AGBL1: variants seen among roughly 807,000 people sequenced by gnomAD.
The protein encoded by AGBL1 is cytosolic carboxypeptidase 4.
AGBL1 carries 130 observed loss-of-function variants against 118.9 expected under a neutral mutation model. The ratio of observed to expected loss-of-function variants is 1.09; its 90% CI spans 0.95 to 1.26. The LOEUF is 1.26. Ranked by LOEUF, AGBL1 falls within the 50% of genes most tolerant of loss-of-function variation. The pLI, the probability that AGBL1 is intolerant of heterozygous loss-of-function variation, is 0.00. For missense variants in AGBL1, 1,584 were observed against 1,298.1 expected (o/e 1.22, Z -3.38); for synonymous variants, 555 against 478.9 (o/e 1.16, Z -2.08).
chr15:86,853,630 T>C (rs912039892), intron 22 of AGBL1, among the ~76,000 whole-genome samples: 4 of 152,226 alleles, frequency 2.6e-5, no homozygotes, highest in African/African-American at 9.6e-5. Context: ...AGAGCTGTAT[T>C]GAAATACAAT....
At chr15:86,364,149 G>C (rs894198090) in intron 17 of AGBL1, among the ~76,000 whole-genome samples, 3 of 151,906 alleles carry the variant, frequency 2.0e-5, no homozygotes, top group African/African-American at 7.3e-5. Context: ...TTCTTCAGAC[G>C]CCATCACTTA....
rs924318161 is a variant in AGBL1, at chr15:86,825,934, T to C, written c.3159-81153T>C. 2.4e-3 allele frequency among the ~76,000 whole-genome samples: 340 copies of C among 144,580 alleles called. 1 individual carries two copies. The highest frequency in any genetic ancestry group is 7.4e-3 in the African/African-American group (289 of 39,066). 94.9% of individuals were successfully genotyped at this position (144,580 alleles called of 152,430 possible). Reference sequence around the variant, plus strand: ...ATAGATAGATAGATAGATAGATAGATAGACAGATGAGATAAATTATAGATA... The same window carrying C: ...ATAGATAGATAGATAGATAGATAGACAGACAGATGAGATAAATTATAGATA... On this transcript the variant is annotated intron_variant, in intron 22 of 22. Coordinates refer to ENST00000614907, the MANE Select transcript of AGBL1 (RefSeq NM_001386094.1).
chr15:86,637,570 AATATT>A (rs1279591190), intron 21 of AGBL1, among the ~76,000 whole-genome samples: 1 of 152,208 alleles, frequency 6.6e-6, no homozygotes, highest in African/African-American at 2.4e-5. Context: ...GAGCTACAAA[AATATT>A]ATGTACAATA....
chr15:86,471,295 G>C (rs956528487), intron 18 of AGBL1, among the ~76,000 whole-genome samples: 4 of 152,046 alleles, frequency 2.6e-5, no homozygotes, highest in Non-Finnish European at 5.9e-5. Flanking sequence ...TGCATCTATT[G>C]AGACAGTCAT....
intron 23 of AGBL1, among the ~76,000 whole-genome samples, chr15:86,948,114 C>A (rs1377184908): frequency 6.6e-6 from 1 of 152,036 alleles, no homozygotes; most frequent in East Asian, 1.9e-4. Context: ...GAACCAAGAG[C>A]CCCATGAGTT....
At chr15:86,143,600 C>G in intron 2 of AGBL1, 99 bp from the exon 3 acceptor site, 1 of 1,418,344 alleles carries the variant, frequency 7.1e-7, no homozygotes, top group Non-Finnish European at 9.6e-7. Context: ...TTGAAATGAA[C>G]TAATTCTTGC....
At chr15:86,695,631 C>A (rs2086242808) in intron 22 of AGBL1, among the ~76,000 whole-genome samples, 1 of 151,780 alleles carries the variant, frequency 6.6e-6, no homozygotes, top group Non-Finnish European at 1.5e-5. Flanking sequence ...TTTTCTTCTG[C>A]TGGGTTTGGG....
At chr15:86,440,872 A>C (rs980873129) in intron 18 of AGBL1, among the ~76,000 whole-genome samples, 23 of 152,202 alleles carry the variant, frequency 1.5e-4, no homozygotes, top group Admixed American at 1.3e-4. Context: ...CATGAGATAA[A>C]AGAGTTGAGT....
chr15:86,328,984 A>G (rs575466168), intron 17 of AGBL1, among the ~76,000 whole-genome samples: 1 of 152,192 alleles, frequency 6.6e-6, no homozygotes, highest in Admixed American at 6.5e-5. Context: ...TGGAGGGGTT[A>G]GGGACATCCA....
intron 17 of AGBL1, among the ~76,000 whole-genome samples, chr15:86,378,639 C>G (rs935858308): frequency 2.0e-5 from 3 of 152,022 alleles, no homozygotes; most frequent in African/African-American, 7.2e-5. Context: ...AGGCTAAGCT[C>G]TTTATTCTGT....
At chr15:86,456,586 A>G (rs1269833489) in intron 18 of AGBL1, among the ~76,000 whole-genome samples, 1 of 152,208 alleles carries the variant, frequency 6.6e-6, no homozygotes, top group Admixed American at 6.5e-5. Flanking sequence ...GTTGACAGGC[A>G]TGTCTGTAGG....
chr15:86,800,076 T>C (rs1358141820), intron 22 of AGBL1, among the ~76,000 whole-genome samples: 1 of 152,132 alleles, frequency 6.6e-6, no homozygotes, highest in Non-Finnish European at 1.5e-5. Context: ...GCAGCCAATA[T>C]CATGCTTGTT....
At chr15:86,445,025 C>A (rs943787867) in intron 18 of AGBL1, among the ~76,000 whole-genome samples, 11 of 152,112 alleles carry the variant, frequency 7.2e-5, no homozygotes, top group African/African-American at 2.7e-4. Context: ...GTGGAAACCA[C>A]GTTGTCTTTG....
At chr15:86,925,583 T>C (rs141524673) in intron 23 of AGBL1, among the ~76,000 whole-genome samples, 72 of 152,320 alleles carry the variant, frequency 4.7e-4, no homozygotes, top group Admixed American at 1.3e-3. Context: ...GATGCTCATA[T>C]TACTATCTCA....
intron 15 of AGBL1, among the ~76,000 whole-genome samples, chr15:86,275,514 A>C (rs1024356175): frequency 6.6e-6 from 1 of 152,148 alleles, no homozygotes; most frequent in Non-Finnish European, 1.5e-5. Flanking sequence ...GCATTTGCTT[A>C]TTTTATGCAC....
intron 22 of AGBL1, among the ~76,000 whole-genome samples, chr15:86,844,294 C>T (rs554749035): frequency 2.0e-5 from 3 of 152,256 alleles, no homozygotes; most frequent in East Asian, 1.9e-4. Flanking sequence ...AACTGCCAAA[C>T]GTCTTTAAGT....
At chr15:86,092,423 T>A (rs532108136) in intron 1 of AGBL1, among the ~76,000 whole-genome samples, 1 of 152,278 alleles carries the variant, frequency 6.6e-6, no homozygotes, top group South Asian at 2.1e-4. Flanking sequence ...TAATGGTAGG[T>A]TAGATATTTC....
intron 5 of AGBL1, among the ~76,000 whole-genome samples, chr15:86,169,106 A>G (rs138602568): frequency 7.3e-4 from 111 of 152,342 alleles, no homozygotes; most frequent in African/African-American, 2.5e-3. Context: ...TGCAGGGACA[A>G]TGAACTGACT....
intron 17 of AGBL1, among the ~76,000 whole-genome samples, chr15:86,378,893 C>A (rs1323057045): frequency 6.7e-6 from 1 of 149,972 alleles, no homozygotes; most frequent in Admixed American, 6.6e-5. Flanking sequence ...GATAGTTGAT[C>A]ACTTTAGTTT....
Sources: allele counts gnomAD v4.1 joint callset (sites outside exome capture counted in the v4.1 genomes callset), GRCh38; gene constraint gnomAD v4.1.1; transcripts MANE v1.5; gene names NCBI Gene and HGNC (gene_info 2026-07-23, HGNC 2026-07-21).